Variants in AKT3 observed in about 807,000 individuals in gnomAD.
AKT3 encodes the protein AKT serine/threonine kinase 3, also known as RAC-gamma serine/threonine-protein kinase.
AKT3 carries 15 observed loss-of-function variants against 65.3 expected under a neutral mutation model. The observed-to-expected ratio is 0.23, with a 90% CI of 0.15 to 0.35. AKT3 has a LOEUF of 0.35. Among genes scored for constraint, AKT3 ranks in the 10% least tolerant of loss-of-function variants. The probability of loss-of-function intolerance (pLI) is 1.00; values close to 1 mark genes in which losing one functional copy is unlikely to be tolerated. For synonymous variants in AKT3, 206 were observed against 183.8 expected, an observed-to-expected ratio of 1.12 and a Z score of -0.98; for missense variants, 243 against 576.5, an observed-to-expected ratio of 0.42 and a Z score of 5.92.
intron 3 of AKT3, among the ~76,000 whole-genome samples, chr1:243,693,963 G>C (rs898958265): frequency 1.3e-5 from 2 of 152,136 alleles, no homozygotes; most frequent in Non-Finnish European, 2.9e-5. Context: ...TAAGCTGACT[G>C]TCAGTCACTA....
chr1:243,702,988 C>G (rs564038479), intron 2 of AKT3: 15 of 152,234 alleles, frequency 9.9e-5, no homozygotes, highest in African/African-American at 3.6e-4. Context: ...GTACATGCTT[C>G]AAGAAACTAT....
At chr1:243,492,821 G>C (rs1666896881) in intron 13 of AKT3, among the ~76,000 whole-genome samples, 1 of 151,984 alleles carries the variant, frequency 6.6e-6, no homozygotes, top group South Asian at 2.1e-4. Context: ...AGGCCAGGCT[G>C]GTCTCGAACT....
chr1:243,805,060 T>C (rs1471432133), intron 2 of AKT3, among the ~76,000 whole-genome samples: 1 of 152,166 alleles, frequency 6.6e-6, no homozygotes, highest in Non-Finnish European at 1.5e-5. Context: ...TTATGTTAGG[T>C]GGGCAGAGAT....
At chr1:243,498,309 G>T (rs1668542770), downstream of AKT3, among the ~76,000 whole-genome samples, 1 of 152,214 alleles carries the variant, frequency 6.6e-6, no homozygotes, top group African/African-American at 2.4e-5. Context: ...CAATGGCAGG[G>T]CTCTAGGGCA....
intron 9 of AKT3, among the ~76,000 whole-genome samples, chr1:243,564,632 C>T (rs954275737): frequency 6.6e-6 from 1 of 152,040 alleles, no homozygotes; most frequent in East Asian, 1.9e-4. Flanking sequence ...CCAGCCAGTT[C>T]CCCTCGAGCT....
intron 5 of AKT3, among the ~76,000 whole-genome samples, chr1:243,640,987 C>T (rs966492919): frequency 6.6e-6 from 1 of 151,978 alleles, no homozygotes; most frequent in African/African-American, 2.4e-5. Flanking sequence ...CATACCCACC[C>T]TTAAGCCGGG....
intron 12 of AKT3, among the ~76,000 whole-genome samples, chr1:243,526,420 C>T (rs753301621): frequency 4.6e-5 from 7 of 152,026 alleles, no homozygotes; most frequent in African/African-American, 7.3e-5. Context: ...ACCACTGCCA[C>T]GTACCAATAA....
At chr1:243,637,801 C>A in intron 5 of AKT3, 59 bp from the exon 6 acceptor site, 1 of 1,278,312 alleles carries the variant, frequency 7.8e-7, no homozygotes, top group South Asian at 1.4e-5. Flanking sequence ...TATTTGTTAG[C>A]ATATATATAT....
intron 12 of AKT3, 46 bp from the exon 13 acceptor site, chr1:243,512,472 G>A (rs1353374977): frequency 8.3e-7 from 1 of 1,203,122 alleles, no homozygotes; most frequent in Non-Finnish European, 1.2e-6. Flanking sequence ...TTTCAATTCA[G>A]GAAAATTCCT....
intron 13 of AKT3, among the ~76,000 whole-genome samples, chr1:243,491,266 G>T (rs145252986): frequency 6.6e-6 from 1 of 152,016 alleles, no homozygotes; most frequent in Non-Finnish European, 1.5e-5. Context: ...TTCACAAAAC[G>T]CATTAAAAAA....
chr1:243,766,460 A>G (rs1689830410), intron 2 of AKT3, among the ~76,000 whole-genome samples: 1 of 152,238 alleles, frequency 6.6e-6, no homozygotes, highest in Non-Finnish European at 1.5e-5. Flanking sequence ...CTTTATACAC[A>G]ATGTTCTGCC....
chr1:243,847,541 A>C (rs1307432332), intron 1 of AKT3, among the ~76,000 whole-genome samples: 1 of 152,198 alleles, frequency 6.6e-6, no homozygotes, highest in Non-Finnish European at 1.5e-5. Flanking sequence ...AGATAGCTGG[A>C]AATTTCCACT....
At chr1:243,534,646 G>A (rs769902187) in intron 12 of AKT3, among the ~76,000 whole-genome samples, 3 of 152,088 alleles carry the variant, frequency 2.0e-5, no homozygotes, top group African/African-American at 7.2e-5. Context: ...TCATATAAAA[G>A]TATGCTCTCA....
intron 8 of AKT3, among the ~76,000 whole-genome samples, chr1:243,583,195 T>TATATATATATATATATATAC (rs759291565): frequency 1.2e-4 from 11 of 88,256 alleles, no homozygotes; most frequent in African/African-American, 5.6e-4. Flanking sequence ...TATATATATA[T>TATATATATATATATATATAC]ACACACACAC....
At chr1:243,838,864 T>C (rs532312921) in intron 2 of AKT3, among the ~76,000 whole-genome samples, 5 of 152,144 alleles carry the variant, frequency 3.3e-5, no homozygotes, top group Non-Finnish European at 5.9e-5. Flanking sequence ...TGGTTACACA[T>C]AGAGAATACA....
chr1:243,667,579 T>C (rs567600756), intron 3 of AKT3, among the ~76,000 whole-genome samples: 1 of 152,202 alleles, frequency 6.6e-6, no homozygotes, highest in African/African-American at 2.4e-5. Context: ...TAAGCCATCA[T>C]TGTCTCTCAC....
At chr1:243,716,034 A>T (rs1462740411) in intron 2 of AKT3, among the ~76,000 whole-genome samples, 1 of 152,184 alleles carries the variant, frequency 6.6e-6, no homozygotes, top group Non-Finnish European at 1.5e-5. Flanking sequence ...CATTTTGATT[A>T]TATCAATGAC....
intron 2 of AKT3, among the ~76,000 whole-genome samples, chr1:243,727,154 T>G (rs971853663): frequency 6.6e-6 from 1 of 152,152 alleles, no homozygotes; most frequent in African/African-American, 2.4e-5. Context: ...TGAATACACA[T>G]TGTGGGTCAA....
chr1:243,832,627 G>A lies in AKT3; in HGVS notation c.46+10498C>T, dbSNP rs1034771211. On this transcript the variant is annotated intron_variant, in intron 2 of 13. Coordinates refer to ENST00000673466, the MANE Select transcript of AKT3 (RefSeq NM_005465.7). Reference sequence around the variant, plus strand: ...AAGAAGGGAGCTACAAATGAGATTCGCACTGATGTGGCTTTTTACTCAAGG... The same window carrying A: ...AAGAAGGGAGCTACAAATGAGATTCACACTGATGTGGCTTTTTACTCAAGG... Among the ~76,000 whole-genome samples, 20 of 152,258 alleles carry A rather than the reference G, an allele frequency of 1.3e-4. 1 individual carries two copies. Among genetic ancestry groups the A allele is most frequent in the Admixed American group, 4.6e-4 (7 of 15,294 alleles).
Sources: allele counts gnomAD v4.1 joint callset (sites outside exome capture counted in the v4.1 genomes callset), GRCh38; gene constraint gnomAD v4.1.1; transcripts MANE v1.5; gene names NCBI Gene and HGNC (gene_info 2026-07-23, HGNC 2026-07-21).